Variants in DST observed in about 807,000 individuals in gnomAD.
The protein encoded by DST is bullous pemphigoid antigen.
A neutral mutation model predicts 875.2 loss-of-function variants in DST; 253 were observed. The ratio of observed to expected loss-of-function variants is 0.29; its 90% CI spans 0.26 to 0.32. The LOEUF (loss-of-function observed/expected upper bound fraction) is 0.32. Among genes scored for constraint, DST ranks in the 10% least tolerant of loss-of-function variants. DST has a pLI of 1.00. For synonymous variants in DST, 3,124 were observed against 3,197.1 expected (o/e 0.98, Z 0.77); for missense variants, 8,287 against 9,111.6 (o/e 0.91, Z 3.68).
At chr6:56,517,176 C>A (rs2096611011) in intron 71 of DST, 22 bp downstream of exon 71, 1 of 1,549,006 alleles carries the variant, frequency 6.5e-7, no homozygotes, top group Non-Finnish European at 8.9e-7. Flanking sequence ...GTCCCACTAC[C>A]AGTCCACAGA....
intron 5 of DST, among the ~76,000 whole-genome samples, chr6:56,708,485 T>C (rs1471412358): frequency 9.9e-5 from 15 of 151,848 alleles, no homozygotes; most frequent in African/African-American, 3.4e-4. Context: ...TTTTCCTGTC[T>C]CAGCTGACTA....
chr6:56,642,195 TG>T, intron 16 of DST, 94 bp from the exon 17 acceptor site: 2 of 1,133,680 alleles, frequency 1.8e-6, no homozygotes, highest in Non-Finnish European at 2.6e-6. Context: ...GAAGCCTACT[TG>T]GGCTTTCTTT....
intron 4 of DST, among the ~76,000 whole-genome samples, chr6:56,803,775 A>G (rs952318882): frequency 3.3e-5 from 5 of 152,046 alleles, no homozygotes; most frequent in Non-Finnish European, 5.9e-5. Context: ...GCTTAGAACA[A>G]CTCCCTAGGG....
intron 10 of DST, among the ~76,000 whole-genome samples, chr6:56,654,736 A>G (rs1483175602): frequency 1.3e-5 from 2 of 152,100 alleles, no homozygotes; most frequent in African/African-American, 4.8e-5. Context: ...TAAAAATTGC[A>G]TGAGAGATTT....
intron 2 of DST, among the ~76,000 whole-genome samples, chr6:56,951,010 T>A (rs1283895347): frequency 6.6e-6 from 1 of 152,216 alleles, no homozygotes; most frequent in Non-Finnish European, 1.5e-5. Context: ...TTTTCCCTAC[T>A]GCAGAACTTT....
At position 56,509,765 on chromosome 6, in the gene DST, T is replaced by C. The variant is rs1221981902; in HGVS notation, c.18889A>G (p.Ser6297Gly). 1.2e-6 allele frequency: 2 copies of C among 1,613,806 alleles called. No homozygotes were observed. Among genetic ancestry groups the C allele is most frequent in the Non-Finnish European group, 8.5e-7 (1 of 1,179,760 alleles). The part of the protein sequence containing the change: ...AEVEKIKEQI[S>G]ENKNVSVDME... The stretch of plus-strand genomic sequence containing the variant: ...TCTACTGACACATTCTTATTTTCAC[T>C]GATCTGTTCCTTGATCTTCTCAACC... The change falls in exon 74 of 104, where the codon AGT (serine) becomes GGT (glycine). Residue 6297 changes from serine to glycine, a missense_variant. This residue lies in a region of DST where 1,292 missense variants were observed against 1,552.7 expected (regional missense o/e 0.83). Transcript: ENST00000680361.
chr6:56,742,212 C>G, intron 4 of DST: 1 of 1,104,132 alleles, frequency 9.1e-7, no homozygotes, highest in Non-Finnish European at 1.2e-6. Context: ...GCAGGTAGTG[C>G]AACTTTCCCT....
chr6:56,538,244 C>T (rs1225895453), intron 61 of DST, among the ~76,000 whole-genome samples: 1 of 152,098 alleles, frequency 6.6e-6, no homozygotes, highest in African/African-American at 2.4e-5. Flanking sequence ...CTTACCTCAG[C>T]CTTGCAAAGT....
At chr6:56,946,932 T>C (rs1819809953) in intron 2 of DST, among the ~76,000 whole-genome samples, 1 of 152,204 alleles carries the variant, frequency 6.6e-6, no homozygotes, top group African/African-American at 2.4e-5. Context: ...ATGAATTACC[T>C]GCAAATTTAT....
intron 2 of DST, among the ~76,000 whole-genome samples, chr6:56,913,907 T>G (rs905146826): frequency 2.0e-5 from 3 of 152,226 alleles, no homozygotes; most frequent in Non-Finnish European, 2.9e-5. Context: ...ATATTTAGAC[T>G]GCAACTACCA....
At chr6:56,536,589 T>A (rs933741099) in intron 62 of DST, among the ~76,000 whole-genome samples, 190 bp downstream of exon 62, 1 of 152,192 alleles carries the variant, frequency 6.6e-6, no homozygotes, top group Non-Finnish European at 1.5e-5. Context: ...CTTACCCAGT[T>A]TGCTTCCTTT....
At chr6:56,657,428 TA>T (rs2099014938) in intron 10 of DST, among the ~76,000 whole-genome samples, 4 of 152,258 alleles carry the variant, frequency 2.6e-5, no homozygotes, top group Admixed American at 6.5e-5. Flanking sequence ...TGGTCACATA[TA>T]TTTTTTTTAA....
At chr6:56,706,340 A>G (rs74743961) in intron 5 of DST, among the ~76,000 whole-genome samples, 12,174 of 151,370 alleles carry the variant, frequency 0.08, 1,609 homozygotes, top group African/African-American at 0.28. Context: ...GAAAGAAAGA[A>G]AGAAAAACCT....
chr6:56,592,229 T>C lies in DST; in HGVS notation c.12856A>G (p.Ile4286Val), dbSNP rs780774323. 7 of 1,613,672 alleles carry C rather than the reference T, an allele frequency of 4.3e-6. 1 individual carries two copies. The South Asian group carries it at 5.5e-5, about 13-fold the overall frequency. ...ATASKHLSEP[I>V]AVDPKNLQRQ... The stretch of plus-strand genomic sequence containing the variant: ...TGAAGATTTTTGGGGTCCACCGCAA[T>C]AGGTTCAGATAAGTGTTTGCTCGCT... The change falls in exon 49 of 104, where the codon ATT (isoleucine) becomes GTT (valine). Residue 4286 changes from isoleucine to valine, a missense_variant. Ile to Val is a conservative substitution (Grantham distance 29). This residue lies in a region of DST where 1,513 missense variants were observed against 1,677.8 expected (regional missense o/e 0.90). Coordinates refer to ENST00000680361, the MANE Select transcript of DST (RefSeq NM_001374736.1).
At chr6:56,796,428 G>C (rs1242071982) in intron 4 of DST, among the ~76,000 whole-genome samples, 3 of 152,190 alleles carry the variant, frequency 2.0e-5, no homozygotes, top group Non-Finnish European at 4.4e-5. Flanking sequence ...AGTATGACCT[G>C]TCTAGTGGTA....
At chr6:56,839,711 G>A (rs1349462631) in intron 4 of DST, among the ~76,000 whole-genome samples, 1 of 152,116 alleles carries the variant, frequency 6.6e-6, no homozygotes, top group African/African-American at 2.4e-5. Context: ...ATCAATAAAG[G>A]CAATAAACCC....
In DST at chr6:56,606,899, C is replaced by T. The variant is rs1274719650; in HGVS notation, c.7729G>A (p.Ala2577Thr). 2 of 1,613,422 alleles carry T rather than the reference C, an allele frequency of 1.2e-6. No homozygotes were observed. The highest frequency in any genetic ancestry group is 1.7e-6 in the Non-Finnish European group (2 of 1,179,612). Residue 2577 changes from alanine to threonine, a missense_variant, in exon 40 of 104, where the codon GCT becomes ACT. Physicochemically the swap from Ala to Thr is moderately conservative, Grantham distance 58 (BLOSUM62 0). Around this residue, in one of 10 missense-constraint regions of DST, gnomAD observed 3,138 missense variants for 3,116.6 expected, o/e 1.01. Coordinates refer to ENST00000680361, the MANE Select transcript of DST (RefSeq NM_001374736.1). ...TDNAIVSLTCATPLLDETISA... is the reference protein window; with the variant it reads ...TDNAIVSLTCTTPLLDETISA... ...ATGGTTTCATCAAGCAATGGTGTAGCACAAGTAAGAGACACAATGGCATTA... is the reference window on the plus strand; with the variant it reads ...ATGGTTTCATCAAGCAATGGTGTAGTACAAGTAAGAGACACAATGGCATTA...
At chr6:56,758,905 C>T (rs999633259) in intron 4 of DST, among the ~76,000 whole-genome samples, 10 of 152,290 alleles carry the variant, frequency 6.6e-5, no homozygotes, top group African/African-American at 2.4e-4. Flanking sequence ...AGGTGCCCAA[C>T]CAGATTCAAC....
chr6:56,814,195 T>C (rs2099763992), intron 4 of DST, among the ~76,000 whole-genome samples: 1 of 152,180 alleles, frequency 6.6e-6, no homozygotes. Context: ...GGCATATTTC[T>C]AAATTACTTC....
Sources: allele counts gnomAD v4.1 joint callset (sites outside exome capture counted in the v4.1 genomes callset), GRCh38; gene constraint gnomAD v4.1.1; regional missense constraint gnomAD v4.1.1; transcripts MANE v1.5; gene names NCBI Gene and HGNC (gene_info 2026-07-23, HGNC 2026-07-21).